POR: variants seen among roughly 807,000 people sequenced by gnomAD.
POR encodes the protein cytochrome p450 oxidoreductase, also known as NADPH--cytochrome P450 reductase.
POR carries 56 observed loss-of-function variants against 84.0 expected under a neutral mutation model. That is an observed-to-expected ratio of 0.67 (90% confidence interval 0.54 to 0.83). The LOEUF is 0.83. POR is among the 40% of genes least tolerant of loss of function. POR has a pLI of 0.00. For missense variants in POR, 938 were observed against 944.3 expected, an observed-to-expected ratio of 0.99 and a Z score of 0.09; for synonymous variants, 414 against 400.5, an observed-to-expected ratio of 1.03 and a Z score of -0.40.
At chr7:75,985,500 GC>G (rs1554558997) in intron 12 of POR, 78 bp from the exon 13 acceptor site, 1 of 1,428,954 alleles carries the variant, frequency 7.0e-7, no homozygotes, top group Non-Finnish European at 9.2e-7. Flanking sequence ...AGTGGGGCTG[GC>G]CTGCAGAACG....
intron 1 of POR, among the ~76,000 whole-genome samples, chr7:75,916,875 G>C (rs782264005): frequency 3.3e-5 from 5 of 152,076 alleles, no homozygotes; most frequent in Non-Finnish European, 7.4e-5. Flanking sequence ...AGACATACCT[G>C]AATTTTAGGA....
chr7:75,945,445 G>C (rs1209343309), intron 1 of POR: 1 of 152,236 alleles, frequency 6.6e-6, no homozygotes, highest in Non-Finnish European at 1.5e-5. Context: ...TAAACTTCCT[G>C]GGTACTCTGG....
intron 1 of POR, among the ~76,000 whole-genome samples, chr7:75,930,346 G>A (rs542761726): frequency 3.3e-5 from 5 of 152,274 alleles, no homozygotes; most frequent in Admixed American, 1.3e-4. Context: ...GCCAGGCGTA[G>A]TGGTGTGCAC....
intron 2 of POR, among the ~76,000 whole-genome samples, chr7:75,964,513 G>A (rs1788092128): frequency 1.3e-5 from 2 of 151,954 alleles, no homozygotes; most frequent in Non-Finnish European, 1.5e-5. Flanking sequence ...TCACCATATT[G>A]GCCAGGCTGA....
chr7:75,968,926 G>A (rs528457410), intron 2 of POR, among the ~76,000 whole-genome samples: 15 of 152,334 alleles, frequency 9.8e-5, no homozygotes, highest in East Asian at 1.9e-4. Flanking sequence ...GATGGGAGCC[G>A]AGCTTGGAAG....
In POR at chr7:75,981,549, A is replaced by AGTTCTGGCCGGCCGTGTGT; in HGVS notation, c.676_694dup (p.Glu232ValfsTer7). ...GAGGACTTCATCACCTGGCGAGAGC[A>AGTTCTGGCCGGCCGTGTGT]GTTCTGGCCGGCCGTGTGTGAACAC... On this transcript the variant is annotated frameshift_variant, in exon 7 of 16. Coordinates refer to ENST00000461988, the MANE Select transcript of POR (RefSeq NM_000941.3). LOFTEE classifies it high-confidence loss of function. 1 of 1,613,092 alleles carries AGTTCTGGCCGGCCGTGTGT rather than the reference A, an allele frequency of 6.2e-7. No homozygotes were observed. Among genetic ancestry groups the AGTTCTGGCCGGCCGTGTGT allele is most frequent in the Non-Finnish European group, 8.5e-7 (1 of 1,179,730 alleles).
intron 1 of POR, among the ~76,000 whole-genome samples, chr7:75,952,499 G>A (rs1422123930): frequency 6.6e-6 from 1 of 152,006 alleles, no homozygotes; most frequent in Non-Finnish European, 1.5e-5. Context: ...GTGGCTGCTG[G>A]GCGGAGACGC....
intron 1 of POR, among the ~76,000 whole-genome samples, chr7:75,941,013 T>TA (rs569676718): frequency 5.6e-4 from 85 of 152,144 alleles, no homozygotes; most frequent in African/African-American, 2.0e-3. Context: ...TAAAAGTTTT[T>TA]AAAAAATTAG....
In POR at chr7:75,986,627, C is replaced by T; in HGVS notation, c.*146C>T. The stretch of plus-strand genomic sequence containing the variant: ...AGACTCCTCTGGGCCTGGGGTGCAT[C>T]CTCCTCAGCCCCCAGGCCAGGTGAG... On this transcript the variant is annotated 3_prime_UTR_variant, in exon 16 of 16. Transcript: ENST00000461988. The T allele has an allele frequency of 3.0e-6, 3 of 1,016,822 alleles. No individual in the cohort carries two copies. In the South Asian group the frequency reaches 4.9e-5, roughly 17 times the overall value. 63.0% of individuals were successfully genotyped at this position (1,016,822 alleles called of 1,614,324 possible).
chr7:75,944,947 A>C (rs946658535), intron 1 of POR, among the ~76,000 whole-genome samples: 7 of 152,184 alleles, frequency 4.6e-5, no homozygotes, highest in Non-Finnish European at 8.8e-5. Flanking sequence ...ATGTCACCCA[A>C]GTCCCAGGAG....
At chr7:75,950,440 AG>A in intron 1 of POR, among the ~76,000 whole-genome samples, 1 of 152,176 alleles carries the variant, frequency 6.6e-6, no homozygotes, top group Non-Finnish European at 1.5e-5. Context: ...AGGGACAGGG[AG>A]CGCGAGTTTC....
At chr7:75,955,631 G>T (rs1186618331) in intron 2 of POR, among the ~76,000 whole-genome samples, 7 of 152,196 alleles carry the variant, frequency 4.6e-5, no homozygotes, top group African/African-American at 1.7e-4. Flanking sequence ...GGTCTCAGGG[G>T]CAGGATTGGG....
chr7:75,985,288 G>T (rs1585134383), intron 12 of POR, 81 bp downstream of exon 12: 1 of 1,442,546 alleles, frequency 6.9e-7, no homozygotes, highest in East Asian at 2.5e-5. Context: ...GGCGGCACAG[G>T]AGCTCCGAGA....
intron 3 of POR, among the ~76,000 whole-genome samples, chr7:75,975,530 C>CCTGAGA (rs1554556700): frequency 6.6e-6 from 1 of 152,092 alleles, no homozygotes; most frequent in Non-Finnish European, 1.5e-5. Context: ...GTCCCCGCTA[C>CCTGAGA]CTGAGAGGCT....
intron 1 of POR, among the ~76,000 whole-genome samples, chr7:75,951,990 G>T (rs544728691): frequency 6.7e-6 from 1 of 150,066 alleles, no homozygotes; most frequent in African/African-American, 2.5e-5. Flanking sequence ...CCTCCCGGAC[G>T]GGGCGGCTGG....
intron 2 of POR, among the ~76,000 whole-genome samples, chr7:75,970,189 G>C (rs1554555935): frequency 6.6e-6 from 1 of 152,034 alleles, no homozygotes; most frequent in Non-Finnish European, 1.5e-5. Flanking sequence ...CTGCTCTGCT[G>C]GGGTCCCCTT....
Position 75,921,604 on chromosome 7 carries a change from C to T in POR, c.-5+6425C>T, listed in dbSNP as rs115415179. Among the ~76,000 whole-genome samples the T allele has an allele frequency of 2.8e-3, 433 of 152,182 alleles. 2 individuals carry two copies. The highest frequency in any genetic ancestry group is 9.8e-3 in the African/African-American group (405 of 41,532). The stretch of plus-strand genomic sequence containing the variant: ...CCACTGCTGTGGTCTTACTGTAGCC[C>T]CTTGTCACTTCCTGCTGCGCTGACC... On this transcript the variant is annotated intron_variant, in intron 1 of 15. Coordinates refer to ENST00000461988, the MANE Select transcript of POR (RefSeq NM_000941.3).
chr7:75,920,894 T>C (rs1806824630), intron 1 of POR, among the ~76,000 whole-genome samples: 1 of 152,166 alleles, frequency 6.6e-6, no homozygotes, highest in Non-Finnish European at 1.5e-5. Context: ...CCCGGCATCA[T>C]TCAGAGTGCA....
At chr7:75,924,996 A>T (rs574981768) in intron 1 of POR, among the ~76,000 whole-genome samples, 58 of 152,196 alleles carry the variant, frequency 3.8e-4, no homozygotes, top group African/African-American at 1.4e-3. Flanking sequence ...TTCACTTTCC[A>T]TGCTTTCCCC....
Sources: gnomAD v4.1 joint callset for allele counts (sites outside exome capture counted in the v4.1 genomes callset) on GRCh38, gnomAD v4.1.1 for gene constraint, MANE v1.5 for transcripts, NCBI Gene and HGNC (gene_info 2026-07-23, HGNC 2026-07-21) for gene names.